MGST1: variants seen among roughly 807,000 people sequenced by gnomAD.
MGST1 encodes microsomal glutathione S-transferase 1.
A neutral mutation model predicts 8.9 loss-of-function variants in MGST1; 5 were observed. The observed-to-expected ratio is 0.56, with a 90% CI of 0.29 to 1.19. The LOEUF (loss-of-function observed/expected upper bound fraction) is 1.19, where lower values mean the gene tolerates loss of function less well. Among genes scored for constraint, MGST1 ranks in the 50% most tolerant of loss-of-function variants. MGST1 has a pLI of 0.08. For missense variants in MGST1, 182 were observed against 187.4 expected, an observed-to-expected ratio of 0.97 and a Z score of 0.17; for synonymous variants, 54 against 67.8, an observed-to-expected ratio of 0.80 and a Z score of 1.00.
At chr12:16,436,339 A>G (rs1247904641) in intron 1 of MGST1, among the ~76,000 whole-genome samples, 1 of 151,958 alleles carries the variant, frequency 6.6e-6, no homozygotes, top group Non-Finnish European at 1.5e-5. Flanking sequence ...GCTGTGACAT[A>G]TGATGTGCCT....
At chr12:16,365,743 GCACACACACACA>G (rs769759439), downstream of MGST1, among the ~76,000 whole-genome samples, 1 of 100,374 alleles carries the variant, frequency 1.0e-5, no homozygotes, top group African/African-American at 4.7e-5. Flanking sequence ...GCGTGCACGC[GCACACACACACA>G]CACACACACA....
At position 16,357,596 on chromosome 12, in the gene MGST1, T is replaced by C; in HGVS notation, c.127-9T>C. On this transcript the variant is annotated splice_polypyrimidine_tract_variant and intron_variant, in intron 2 of 3. Coordinates refer to ENST00000396210, the MANE Select transcript of MGST1 (RefSeq NM_020300.5). ...TTGAAATAAGTTTTTTTTCTTGGTA[T>C]TTGGATAGGTTTTTGCCAATCCAGA... The C allele has an allele frequency of 6.2e-7, 1 of 1,607,356 alleles. No individual in the cohort carries two copies. The highest frequency in any genetic ancestry group is 8.5e-7 in the Non-Finnish European group (1 of 1,177,174).
intron 4 of MGST1, among the ~76,000 whole-genome samples, chr12:16,507,812 A>G (rs1412375522): frequency 6.6e-6 from 1 of 151,916 alleles, no homozygotes; most frequent in African/African-American, 2.4e-5. Flanking sequence ...TGATTCAATC[A>G]CCTCCCATTA....
chr12:16,460,900 A>G (rs930439204), intron 4 of MGST1, among the ~76,000 whole-genome samples: 1 of 152,108 alleles, frequency 6.6e-6, no homozygotes, highest in Non-Finnish European at 1.5e-5. Flanking sequence ...AGGAGATACT[A>G]TAAAGCAAGA....
intron 1 of MGST1, chr12:16,399,194 G>GA: frequency 7.5e-7 from 1 of 1,334,758 alleles, no homozygotes; most frequent in Non-Finnish European, 1.0e-6. Context: ...AAAACAAAAG[G>GA]AAAAATACAG....
intron 3 of MGST1, among the ~76,000 whole-genome samples, chr12:16,375,175 C>G (rs1940358978): frequency 6.6e-6 from 1 of 152,104 alleles, no homozygotes; most frequent in African/African-American, 2.4e-5. Context: ...GCCACTGCAC[C>G]CTGACTGTTC....
intron 4 of MGST1, among the ~76,000 whole-genome samples, chr12:16,567,136 CA>C (rs1205578036): frequency 6.6e-6 from 1 of 152,068 alleles, no homozygotes; most frequent in Non-Finnish European, 1.5e-5. Flanking sequence ...GCGGAGGTTG[CA>C]GTGAGCTGAG....
chr12:16,567,770 G>T (rs545103293), intron 4 of MGST1, among the ~76,000 whole-genome samples: 31 of 152,078 alleles, frequency 2.0e-4, no homozygotes, highest in Admixed American at 1.5e-3. Context: ...TATTTTAAGA[G>T]AATCCTCAGA....
chr12:16,348,396 A>G (rs1939295986), intron 1 of MGST1, among the ~76,000 whole-genome samples: 2 of 152,174 alleles, frequency 1.3e-5, no homozygotes, highest in Non-Finnish European at 1.5e-5. Context: ...GCCATGTGGA[A>G]GGAGAAAAGG....
At chr12:16,421,749 T>C (rs567572798) in intron 1 of MGST1, among the ~76,000 whole-genome samples, 4 of 152,218 alleles carry the variant, frequency 2.6e-5, no homozygotes, top group African/African-American at 7.2e-5. Context: ...TTAGATAAAA[T>C]GTCATGATGG....
chr12:16,432,731 CAGAG>C (rs767958436), intron 1 of MGST1, among the ~76,000 whole-genome samples: 2 of 132,672 alleles, frequency 1.5e-5, no homozygotes, highest in African/African-American at 5.6e-5. Flanking sequence ...CACACACACA[CAGAG>C]AGAGAGAATA....
intron 4 of MGST1, among the ~76,000 whole-genome samples, chr12:16,491,604 G>A (rs1030844033): frequency 5.0e-5 from 6 of 119,374 alleles, no homozygotes; most frequent in Admixed American, 1.7e-4. Context: ...AAAAGGCACC[G>A]ATTTTAAACT....
chr12:16,505,818 C>G (rs1301404087), intron 4 of MGST1, among the ~76,000 whole-genome samples: 1 of 152,142 alleles, frequency 6.6e-6, no homozygotes, highest in East Asian at 1.9e-4. Context: ...GTCACAAACT[C>G]AAATGCCCTT....
At chr12:16,493,756 G>T (rs1941453727) in intron 4 of MGST1, among the ~76,000 whole-genome samples, 3 of 152,020 alleles carry the variant, frequency 2.0e-5, no homozygotes, top group Admixed American at 2.0e-4. Flanking sequence ...CAGCCCACTG[G>T]GATATAAACA....
chr12:16,360,031 A>G (rs1358848302), intron 3 of MGST1, among the ~76,000 whole-genome samples: 1 of 152,302 alleles, frequency 6.6e-6, no homozygotes, highest in Admixed American at 6.5e-5. Flanking sequence ...CCAGTTCTGT[A>G]AAGGTTCCGA....
intron 1 of MGST1, among the ~76,000 whole-genome samples, chr12:16,394,581 CTG>C (rs199929211): frequency 0.14 from 15,805 of 116,504 alleles, 1,644 homozygotes; most frequent in East Asian, 0.22. Context: ...TTTCTTCTCT[CTG>C]TCTCTCTTTT....
chr12:16,379,342 G>T (rs1940427346), downstream of MGST1, among the ~76,000 whole-genome samples: 1 of 152,182 alleles, frequency 6.6e-6, no homozygotes, highest in Admixed American at 6.5e-5. Flanking sequence ...AATTTACTGA[G>T]AGTTTTTAGC....
At position 16,401,697 on chromosome 12, in the gene MGST1, C is replaced by T; in HGVS notation, n.778+18093C>T. On this transcript the variant is annotated intron_variant and non_coding_transcript_variant, in intron 1 of 1. Transcript: ENST00000359720. This position sits in a 1 kb window ranked among gnomAD's most constrained non-coding sequence, Gnocchi z 4.3. ...ACCACTCTGAATGATAGGAGGGTAACACATTTCCACAGTAGAAGGGTCTGC... is the reference window on the plus strand; with the variant it reads ...ACCACTCTGAATGATAGGAGGGTAATACATTTCCACAGTAGAAGGGTCTGC... The T allele has an allele frequency of 3.1e-6, 5 of 1,603,520 alleles. No homozygotes were observed. The South Asian group carries it at 3.3e-5, about 11-fold the overall frequency.
At chr12:16,374,631 A>C (rs767320512) in intron 3 of MGST1, among the ~76,000 whole-genome samples, 3 of 152,192 alleles carry the variant, frequency 2.0e-5, no homozygotes, top group Non-Finnish European at 4.4e-5. Flanking sequence ...AATGTATGAA[A>C]GTACTTGAAA....
Sources: allele counts gnomAD v4.1 joint callset (sites outside exome capture counted in the v4.1 genomes callset), GRCh38; gene constraint gnomAD v4.1.1; non-coding constraint Gnocchi (gnomAD v3.1); transcripts MANE v1.5; gene names NCBI Gene and HGNC (gene_info 2026-07-23, HGNC 2026-07-21).